PIGU: variants seen among roughly 807,000 people sequenced by gnomAD.
The protein encoded by PIGU is GPI-anchor transamidase component PIGU.
A neutral mutation model predicts 49.9 loss-of-function variants in PIGU; 24 were observed. That is an observed-to-expected ratio of 0.48 (90% CI 0.35 to 0.68). PIGU has a LOEUF of 0.68. Among genes scored for constraint, PIGU ranks in the 30% least tolerant of loss-of-function variants. The probability of loss-of-function intolerance (pLI) is 0.01; values close to 1 mark genes in which losing one functional copy is unlikely to be tolerated. For missense variants in PIGU, 490 were observed against 532.6 expected (o/e 0.92, Z 0.79); for synonymous variants, 220 against 205.7 (o/e 1.07, Z -0.59).
At chr20:34,646,244 G>A (rs1431256547) in intron 2 of PIGU, among the ~76,000 whole-genome samples, 1 of 152,064 alleles carries the variant, frequency 6.6e-6, no homozygotes, top group Non-Finnish European at 1.5e-5. Context: ...CAGATTTGCT[G>A]TTTTTACTTT....
chr20:34,663,003 G>A (rs1025309685), intron 1 of PIGU, among the ~76,000 whole-genome samples: 2 of 152,226 alleles, frequency 1.3e-5, no homozygotes, highest in African/African-American at 4.8e-5. Flanking sequence ...AACCTCCTGG[G>A]CACAAGCGAT....
chr20:34,576,056 T>A (rs1983221717), intron 10 of PIGU, among the ~76,000 whole-genome samples: 1 of 152,100 alleles, frequency 6.6e-6, no homozygotes, highest in Admixed American at 6.6e-5. Context: ...AAACTGAGGC[T>A]ACACACCTAG....
At chr20:34,665,492 C>T (rs917494298) in intron 1 of PIGU, among the ~76,000 whole-genome samples, 44 of 151,682 alleles carry the variant, frequency 2.9e-4, no homozygotes, top group African/African-American at 8.2e-4. Flanking sequence ...CGTGAGCCAC[C>T]GCGCCCGGCC....
chr20:34,573,380 C>T (rs1304167870), intron 11 of PIGU, among the ~76,000 whole-genome samples: 3 of 152,200 alleles, frequency 2.0e-5, no homozygotes, highest in Admixed American at 6.5e-5. Context: ...TTTCTCCTGC[C>T]TTCAATGGCA....
chr20:34,614,270 T>A (rs962372830), intron 7 of PIGU, among the ~76,000 whole-genome samples: 2 of 151,894 alleles, frequency 1.3e-5, no homozygotes, highest in Non-Finnish European at 1.5e-5. Flanking sequence ...GCACATCCCA[T>A]CCTGGGCAAC....
intron 7 of PIGU, among the ~76,000 whole-genome samples, chr20:34,596,006 C>T (rs541776767): frequency 6.6e-6 from 1 of 152,218 alleles, no homozygotes; most frequent in East Asian, 1.9e-4. Flanking sequence ...TGAGCCCAGT[C>T]GGGCGATGGA....
intron 6 of PIGU, among the ~76,000 whole-genome samples, chr20:34,627,439 G>A (rs1003497048): frequency 5.3e-5 from 8 of 151,724 alleles, no homozygotes; most frequent in Non-Finnish European, 8.8e-5. Context: ...AAAGTCTGGA[G>A]TGATATAAAA....
intron 7 of PIGU, among the ~76,000 whole-genome samples, chr20:34,589,302 TA>T (rs1464674597): frequency 6.6e-6 from 1 of 152,032 alleles, no homozygotes; most frequent in Non-Finnish European, 1.5e-5. Flanking sequence ...AATAAACAAG[TA>T]AAAAAAGACT....
chr20:34,567,588 T>C (rs1416398667), intron 11 of PIGU, among the ~76,000 whole-genome samples: 2 of 43,528 alleles, frequency 4.6e-5, no homozygotes, highest in Non-Finnish European at 9.8e-5. Context: ...ACCTCTGCTC[T>C]TCCCAGCAGT....
chr20:34,595,499 C>G (rs570069743), intron 7 of PIGU, among the ~76,000 whole-genome samples: 2 of 152,230 alleles, frequency 1.3e-5, no homozygotes, highest in South Asian at 4.1e-4. Context: ...TGGAACCAAT[C>G]CACCACAAAT....
At chr20:34,565,947 TCA>T (rs1471019895) in intron 11 of PIGU, among the ~76,000 whole-genome samples, 1 of 146,740 alleles carries the variant, frequency 6.8e-6, no homozygotes, top group African/African-American at 2.6e-5. Flanking sequence ...CACATTGCAC[TCA>T]CAGGTACACA....
intron 10 of PIGU, 147 bp from the exon 11 acceptor site, chr20:34,575,393 A>C: frequency 1.1e-6 from 1 of 870,894 alleles, no homozygotes; most frequent in Non-Finnish European, 1.7e-6. Context: ...GGGTGCCAAG[A>C]AGCAAACCCC....
chr20:34,637,834 G>A (rs776699720), intron 5 of PIGU, 42 bp downstream of exon 5: 48 of 1,591,844 alleles, frequency 3.0e-5, no homozygotes, highest in East Asian at 2.7e-4. Context: ...GATTTTCCTC[G>A]CATTTGTTGG....
At chr20:34,638,767 G>A (rs918543711) in intron 4 of PIGU, among the ~76,000 whole-genome samples, 1 of 152,172 alleles carries the variant, frequency 6.6e-6, no homozygotes, top group African/African-American at 2.4e-5. Context: ...GGATGGGGGT[G>A]GAAAGCTCTT....
At chr20:34,632,147 T>C (rs1280840898) in intron 6 of PIGU, among the ~76,000 whole-genome samples, 2 of 151,296 alleles carry the variant, frequency 1.3e-5, no homozygotes, top group Admixed American at 6.6e-5. Flanking sequence ...GGCCAGAAGA[T>C]ATTAAATATT....
intron 9 of PIGU, among the ~76,000 whole-genome samples, chr20:34,582,953 C>T (rs908055236): frequency 1.2e-4 from 18 of 152,128 alleles, no homozygotes; most frequent in Admixed American, 3.9e-4. Context: ...CTATACCCTC[C>T]TCAGCTACAT....
chr20:34,592,805 T>C (rs1044799945), intron 7 of PIGU, among the ~76,000 whole-genome samples: 34 of 152,180 alleles, frequency 2.2e-4, no homozygotes, highest in African/African-American at 8.2e-4. Context: ...ATCATGGTTA[T>C]ATAAAGAATG....
chr20:34,627,479 A>C (rs1191793340), intron 6 of PIGU, among the ~76,000 whole-genome samples: 1 of 152,140 alleles, frequency 6.6e-6, no homozygotes. Flanking sequence ...CAAAAAAAAA[A>C]CCATGGCTGT....
intron 1 of PIGU, among the ~76,000 whole-genome samples, chr20:34,673,485 A>ATC (rs761442286): frequency 6.6e-6 from 1 of 152,098 alleles, no homozygotes; most frequent in Non-Finnish European, 1.5e-5. Context: ...TGGTTAACAA[A>ATC]TCTCTCTCTC....
Sources: allele counts gnomAD v4.1 joint callset (sites outside exome capture counted in the v4.1 genomes callset), GRCh38; gene constraint gnomAD v4.1.1; transcripts MANE v1.5; gene names NCBI Gene and HGNC (gene_info 2026-07-23, HGNC 2026-07-21).